RGS7BP: variants seen among roughly 807,000 people sequenced by gnomAD.
RGS7BP encodes the protein regulator of G protein signaling 7 binding protein.
In RGS7BP, 9 loss-of-function variants were observed where a neutral mutation model predicts 31.3. The observed-to-expected ratio is 0.29, with a 90% confidence interval of 0.17 to 0.50. The LOEUF is 0.50. Ranked by LOEUF, RGS7BP falls within the 20% of genes least tolerant of loss-of-function variation. The pLI is 0.98. For missense variants in RGS7BP, 274 were observed against 322.0 expected (o/e 0.85, Z 1.14); for synonymous variants, 115 against 120.1 (o/e 0.96, Z 0.28).
intron 2 of RGS7BP, among the ~76,000 whole-genome samples, chr5:64,566,378 T>C (rs1238420384): frequency 6.6e-6 from 1 of 152,064 alleles, no homozygotes; most frequent in Non-Finnish European, 1.5e-5. Context: ...GAATAGACAG[T>C]ACACCCTGAG....
rs181853017 is a variant in RGS7BP, at chr5:64,539,212, A to G, written c.332+31335A>G. 1.5e-3 allele frequency among the ~76,000 whole-genome samples: 227 copies of G among 151,944 alleles called. 3 individuals are homozygous for G. Among genetic ancestry groups the G allele is most frequent in the East Asian group, 2.9e-3 (15 of 5,170 alleles). ...TGTTTAAGTCTTTGGCTTATTTTTC[A>G]TTGGTTTGTTTGTTTTCTTACTATT... On this transcript the variant is annotated intron_variant, in intron 2 of 5. Coordinates refer to ENST00000334025, the MANE Select transcript of RGS7BP (RefSeq NM_001029875.3).
intron 2 of RGS7BP, among the ~76,000 whole-genome samples, chr5:64,528,526 G>A (rs1749288159): frequency 6.6e-6 from 1 of 152,048 alleles, no homozygotes; most frequent in South Asian, 2.1e-4. Flanking sequence ...AAAAAGGAAG[G>A]ATAGGCCGGG....
intron 2 of RGS7BP, among the ~76,000 whole-genome samples, chr5:64,549,674 G>A (rs934136640): frequency 6.6e-6 from 1 of 152,168 alleles, no homozygotes; most frequent in African/African-American, 2.4e-5. Context: ...CAAACTGGCA[G>A]TGCTTCTGCT....
At chr5:64,601,662 G>C (rs1279725431) in intron 5 of RGS7BP, among the ~76,000 whole-genome samples, 2 of 152,186 alleles carry the variant, frequency 1.3e-5, no homozygotes, top group Non-Finnish European at 1.5e-5. Flanking sequence ...TCTTTCCCCT[G>C]CTTCAGCGCC....
chr5:64,594,730 A>G lies in RGS7BP; in HGVS notation c.484A>G (p.Thr162Ala), dbSNP rs141056220. The G allele has an allele frequency of 3.5e-5, 56 of 1,613,574 alleles. No homozygotes were observed. Among genetic ancestry groups the G allele is most frequent in the Middle Eastern group, 1.6e-4 (1 of 6,072 alleles). The change falls in exon 4 of 6, where the codon ACC becomes GCC. Residue 162 changes from threonine (T) to alanine (A), a missense_variant. Around this residue, in one of 3 missense-constraint regions of RGS7BP, gnomAD observed 112 missense variants for 130.9 expected, o/e 0.86. Transcript: ENST00000334025. ...CTTAGGAAAGGAACCTGGCGGGGGA[A>G]CCAAGAGTTTGGATTGCAAAATTGA... ...HRKGKEPGGG[T>A]KSLDCKIEES...
At chr5:64,594,976 C>A in intron 4 of RGS7BP, 119 bp downstream of exon 4, 1 of 1,092,766 alleles carries the variant, frequency 9.2e-7, no homozygotes, top group Non-Finnish European at 1.3e-6. Flanking sequence ...TTTGGTATGC[C>A]AGAGGAGCAT....
intron 2 of RGS7BP, among the ~76,000 whole-genome samples, chr5:64,527,720 A>G (rs1749268540): frequency 6.6e-6 from 1 of 152,042 alleles, no homozygotes; most frequent in African/African-American, 2.4e-5. Flanking sequence ...CAGTACAAAC[A>G]TAAAAAATGA....
intron 5 of RGS7BP, 101 bp from the exon 6 acceptor site, chr5:64,609,060 G>T (rs1398153125): frequency 2.5e-6 from 2 of 784,580 alleles, no homozygotes; most frequent in Non-Finnish European, 4.6e-6. Context: ...CTGAGGTTGA[G>T]AAATCCTGAT....
chr5:64,543,734 G>A (rs1391916405), intron 2 of RGS7BP, among the ~76,000 whole-genome samples: 2 of 152,234 alleles, frequency 1.3e-5, no homozygotes, highest in Non-Finnish European at 2.9e-5. Flanking sequence ...AGCAGGGAGA[G>A]TCATGTTCCC....
chr5:64,584,927 A>C (rs1014583337), intron 3 of RGS7BP, among the ~76,000 whole-genome samples: 3 of 152,208 alleles, frequency 2.0e-5, no homozygotes, highest in Admixed American at 6.5e-5. Context: ...ATTTCTATTT[A>C]AGTTACATGC....
chr5:64,516,626 T>C (rs901983402), intron 2 of RGS7BP, among the ~76,000 whole-genome samples: 1 of 152,198 alleles, frequency 6.6e-6, no homozygotes, highest in African/African-American at 2.4e-5. Flanking sequence ...AGATTTCCTG[T>C]ATCAGAATCA....
intron 2 of RGS7BP, chr5:64,575,563 A>G: frequency 5.0e-6 from 4 of 807,180 alleles, no homozygotes; most frequent in Non-Finnish European, 6.6e-6. Flanking sequence ...CTGCTGCTGA[A>G]GGGGAAAAAA....
chr5:64,518,659 A>G (rs1250448182), intron 2 of RGS7BP, among the ~76,000 whole-genome samples: 1 of 152,198 alleles, frequency 6.6e-6, no homozygotes, highest in Non-Finnish European at 1.5e-5. Context: ...GTTTGGAATT[A>G]TCTTCAGCTG....
At chr5:64,550,420 AG>A (rs908703454) in intron 2 of RGS7BP, among the ~76,000 whole-genome samples, 6 of 152,042 alleles carry the variant, frequency 3.9e-5, no homozygotes, top group Non-Finnish European at 8.8e-5. Flanking sequence ...CCCTCAGACT[AG>A]GGCCCCACCC....
intron 2 of RGS7BP, among the ~76,000 whole-genome samples, chr5:64,513,616 G>C (rs1033627424): frequency 6.6e-6 from 1 of 152,224 alleles, no homozygotes; most frequent in African/African-American, 2.4e-5. Context: ...TAAGAGTATG[G>C]AAGAAGAGCT....
At position 64,602,430 on chromosome 5, in the gene RGS7BP, C is replaced by A. The variant is rs181427399; in HGVS notation, c.682+3995C>A. Among the ~76,000 whole-genome samples the A allele has an allele frequency of 1.1e-4, 16 of 152,338 alleles. No individual in the cohort carries two copies. The South Asian group carries it at 1.7e-3, about 16-fold the overall frequency. The stretch of plus-strand genomic sequence containing the variant: ...TACTCTATTATGTTGAGCTCCTACT[C>A]ACAAATGTGAAATGTCTACTCACTA... On this transcript the variant is annotated intron_variant, in intron 5 of 5. Coordinates refer to ENST00000334025, the MANE Select transcript of RGS7BP (RefSeq NM_001029875.3).
rs190448288 is a variant in RGS7BP, at chr5:64,556,122, A to G, written c.333-19652A>G. ...ATTATATCAATTTACTCTTCCATCA[A>G]TCGGTACATTGCTTCACCTCCTCTT... On this transcript the variant is annotated intron_variant, in intron 2 of 5. Coordinates refer to ENST00000334025, the MANE Select transcript of RGS7BP (RefSeq NM_001029875.3). Among the ~76,000 whole-genome samples the G allele has an allele frequency of 1.1e-3, 164 of 152,118 alleles. 1 individual carries two copies. The highest frequency in any genetic ancestry group is 3.6e-3 in the African/African-American group (148 of 41,534).
intron 3 of RGS7BP, among the ~76,000 whole-genome samples, chr5:64,589,137 A>C (rs1742839887): frequency 6.6e-6 from 1 of 150,950 alleles, no homozygotes; most frequent in Non-Finnish European, 1.5e-5. Flanking sequence ...TCTACTAAAA[A>C]TACAAAAAAA....
intron 2 of RGS7BP, among the ~76,000 whole-genome samples, chr5:64,565,735 T>G (rs1325280721): frequency 6.6e-6 from 1 of 152,166 alleles, no homozygotes; most frequent in African/African-American, 2.4e-5. Flanking sequence ...ATAAACTTTT[T>G]TTTAACTCAA....
Sources: gnomAD v4.1 joint callset for allele counts (sites outside exome capture counted in the v4.1 genomes callset) on GRCh38, gnomAD v4.1.1 for gene constraint, gnomAD v4.1.1 regional missense constraint, MANE v1.5 for transcripts, NCBI Gene and HGNC (gene_info 2026-07-23, HGNC 2026-07-21) for gene names.